GRIN2A: variants seen among roughly 807,000 people sequenced by gnomAD.
GRIN2A encodes the protein glutamate receptor ionotropic, NMDA 2A.
Under a neutral mutation model 113.4 loss-of-function variants are expected in GRIN2A, and 22 were observed. That is an observed-to-expected ratio of 0.19 (90% CI 0.14 to 0.28). The LOEUF is 0.28. GRIN2A is among the 10% of genes least tolerant of loss of function. The probability of loss-of-function intolerance (pLI) is 1.00; values close to 1 mark genes in which losing one functional copy is unlikely to be tolerated. For missense variants in GRIN2A, 1,502 were observed against 1,887.0 expected (o/e 0.80, Z 3.78); for synonymous variants, 827 against 738.4 (o/e 1.12, Z -1.94).
intron 2 of GRIN2A, among the ~76,000 whole-genome samples, chr16:10,168,595 T>C (rs1424119906): frequency 6.6e-6 from 1 of 152,202 alleles, no homozygotes; most frequent in Non-Finnish European, 1.5e-5. Flanking sequence ...TCCTATTCCA[T>C]GAATCCTCAC....
At chr16:10,172,055 C>T (rs949753972) in intron 2 of GRIN2A, among the ~76,000 whole-genome samples, 8 of 152,178 alleles carry the variant, frequency 5.3e-5, no homozygotes, top group Non-Finnish European at 8.8e-5. Flanking sequence ...AACTGCTATT[C>T]ATATTTTGGT....
At position 10,099,616 on chromosome 16, in the gene GRIN2A, C is replaced by A. The variant is rs78906469; in HGVS notation, c.414+80382G>T. Among the ~76,000 whole-genome samples the A allele has an allele frequency of 7.6e-3, 1,164 of 152,298 alleles. 18 individuals are homozygous for A. The highest frequency in any genetic ancestry group is 0.027 in the African/African-American group (1,114 of 41,544). On this transcript the variant is annotated intron_variant, in intron 2 of 12. Transcript: ENST00000330684. ...GGGTCAGAAGAGATCTGCACCTGCT[C>A]TGTTAAGGTAGTCTTGCCATCTCTA...
At chr16:9,793,233 C>G (rs1375887548) in intron 11 of GRIN2A, among the ~76,000 whole-genome samples, 1 of 152,066 alleles carries the variant, frequency 6.6e-6, no homozygotes, top group Non-Finnish European at 1.5e-5. Context: ...ATGAGAGGAC[C>G]TAAAACAATT....
intron 2 of GRIN2A, among the ~76,000 whole-genome samples, chr16:9,950,315 T>C (rs1156642049): frequency 6.6e-6 from 1 of 152,116 alleles, no homozygotes; most frequent in East Asian, 1.9e-4. Context: ...CTAAAGCTTT[T>C]CCTAGGTATC....
At chr16:10,160,370 T>C (rs1320396259) in intron 2 of GRIN2A, among the ~76,000 whole-genome samples, 1 of 152,218 alleles carries the variant, frequency 6.6e-6, no homozygotes, top group African/African-American at 2.4e-5. Flanking sequence ...GCATGTGAAC[T>C]GTGGATGGGT....
At chr16:9,846,588 T>G (rs931135348) in intron 5 of GRIN2A, among the ~76,000 whole-genome samples, 2 of 152,180 alleles carry the variant, frequency 1.3e-5, no homozygotes, top group African/African-American at 2.4e-5. Flanking sequence ...TGCTGTGCCC[T>G]TGTAACTGAG....
intron 2 of GRIN2A, among the ~76,000 whole-genome samples, chr16:9,985,652 T>C (rs1398146450): frequency 6.6e-6 from 1 of 151,908 alleles, no homozygotes; most frequent in Non-Finnish European, 1.5e-5. Flanking sequence ...ATTAAAACAA[T>C]TGAACTCATG....
chr16:10,096,961 G>A (rs374729867), intron 2 of GRIN2A, among the ~76,000 whole-genome samples: 2 of 152,150 alleles, frequency 1.3e-5, no homozygotes, highest in South Asian at 2.1e-4. Context: ...GCTATAGCAC[G>A]GGTGTTAGCT....
intron 2 of GRIN2A, among the ~76,000 whole-genome samples, chr16:9,987,703 T>C (rs942208746): frequency 6.6e-6 from 1 of 152,246 alleles, no homozygotes; most frequent in Non-Finnish European, 1.5e-5. Flanking sequence ...ATGTGAGATC[T>C]GTTTACTCTG....
chr16:9,790,080 C>T (rs986519203), intron 11 of GRIN2A, among the ~76,000 whole-genome samples: 3 of 152,154 alleles, frequency 2.0e-5, no homozygotes, highest in African/African-American at 7.2e-5. Flanking sequence ...TGTCTTGCCT[C>T]TACTGTGCTG....
intron 3 of GRIN2A, among the ~76,000 whole-genome samples, chr16:9,934,666 C>A (rs868843662): frequency 2.7e-4 from 28 of 103,030 alleles, no homozygotes; most frequent in African/African-American, 1.1e-3. Flanking sequence ...GGAGACAGAG[C>A]GAGACTCTGT....
intron 3 of GRIN2A, among the ~76,000 whole-genome samples, chr16:9,924,436 C>T (rs973149246): frequency 3.3e-5 from 5 of 152,146 alleles, no homozygotes; most frequent in Admixed American, 6.5e-5. Flanking sequence ...GACGAGAAGT[C>T]GGCTGACATC....
intron 2 of GRIN2A, among the ~76,000 whole-genome samples, chr16:9,949,005 G>T (rs1238833012): frequency 6.6e-6 from 1 of 152,136 alleles, no homozygotes; most frequent in Non-Finnish European, 1.5e-5. Context: ...TCTGTAACAG[G>T]GTAATGAGCA....
At position 9,857,690 on chromosome 16, in the gene GRIN2A, T is replaced by C. The variant is rs140102510; in HGVS notation, c.1123-7729A>G. Among the ~76,000 whole-genome samples, 595 of 152,294 alleles carry C rather than the reference T, an allele frequency of 3.9e-3. 17 individuals carry two copies. Among genetic ancestry groups the C allele is most frequent in the Admixed American group, 0.035 (536 of 15,296 alleles). On this transcript the variant is annotated intron_variant, in intron 4 of 12. Transcript: ENST00000330684. Reference sequence around the variant, plus strand: ...GATGTTAATAGTATAATTCACAGGATTGCTGAGAGGACTAAATTAATGTAT... The same window carrying C: ...GATGTTAATAGTATAATTCACAGGACTGCTGAGAGGACTAAATTAATGTAT...
chr16:9,892,666 C>T (rs1385784600), intron 3 of GRIN2A, among the ~76,000 whole-genome samples: 2 of 152,138 alleles, frequency 1.3e-5, no homozygotes, highest in Non-Finnish European at 2.9e-5. Flanking sequence ...CTCAAAGCCA[C>T]CTTGGCCTGT....
chr16:9,892,872 C>A (rs1304372007), intron 3 of GRIN2A, among the ~76,000 whole-genome samples: 1 of 151,284 alleles, frequency 6.6e-6, no homozygotes, highest in Admixed American at 6.6e-5. Flanking sequence ...CAAAGACTTC[C>A]CCAGAAAGAT....
intron 2 of GRIN2A, among the ~76,000 whole-genome samples, chr16:10,063,186 A>T (rs767859645): frequency 9.2e-5 from 14 of 152,174 alleles, no homozygotes; most frequent in Non-Finnish European, 1.6e-4. Context: ...GTATACATGG[A>T]TATAAAAATG....
intron 7 of GRIN2A, among the ~76,000 whole-genome samples, chr16:9,834,508 A>T (rs750008769): frequency 3.9e-5 from 6 of 152,016 alleles, no homozygotes; most frequent in Non-Finnish European, 7.4e-5. Context: ...CAGCCTTCCG[A>T]GTAGCTGGGA....
chr16:9,792,441 C>A (rs1440337964), intron 11 of GRIN2A, among the ~76,000 whole-genome samples: 1 of 152,074 alleles, frequency 6.6e-6, no homozygotes, highest in Non-Finnish European at 1.5e-5. Context: ...CTGGGCTGAT[C>A]TTGACCTCCT....
Sources: allele counts gnomAD v4.1 joint callset (sites outside exome capture counted in the v4.1 genomes callset), GRCh38; gene constraint gnomAD v4.1.1; transcripts MANE v1.5; gene names NCBI Gene and HGNC (gene_info 2026-07-23, HGNC 2026-07-21).